RGS7: variants seen among roughly 807,000 people sequenced by gnomAD.
RGS7 encodes the protein regulator of G protein signaling 7, also known as regulator of G-protein signaling 7.
Under a neutral mutation model 81.1 loss-of-function variants are expected in RGS7, and 27 were observed. The observed-to-expected ratio is 0.33, with a 90% CI of 0.25 to 0.46. The LOEUF (loss-of-function observed/expected upper bound fraction) is 0.46. Ranked by LOEUF, RGS7 falls within the 20% of genes least tolerant of loss-of-function variation. The pLI is 1.00. For synonymous variants in RGS7, 208 were observed against 207.7 expected, an observed-to-expected ratio of 1.00 and a Z score of -0.01; for missense variants, 396 against 607.4, an observed-to-expected ratio of 0.65 and a Z score of 3.66.
chr1:241,000,443 C>T (rs1439619842), intron 3 of RGS7, among the ~76,000 whole-genome samples: 3 of 152,056 alleles, frequency 2.0e-5, no homozygotes, highest in African/African-American at 7.2e-5. Flanking sequence ...TTAATTATCC[C>T]TTAATAGGTA....
chr1:240,952,369 T>C (rs911711334), intron 4 of RGS7, among the ~76,000 whole-genome samples: 19 of 152,036 alleles, frequency 1.2e-4, no homozygotes, highest in African/African-American at 4.6e-4. Context: ...AAGGGATGAA[T>C]TGGGAATATT....
chr1:240,985,346 T>C (rs1215395045), intron 3 of RGS7, among the ~76,000 whole-genome samples: 1 of 152,246 alleles, frequency 6.6e-6, no homozygotes, highest in East Asian at 1.9e-4. Context: ...ATTCCAGGAC[T>C]ATACATATTT....
chr1:241,080,680 AT>A (rs1315808183), intron 3 of RGS7, among the ~76,000 whole-genome samples: 1 of 151,992 alleles, frequency 6.6e-6, no homozygotes, highest in African/African-American at 2.4e-5. Context: ...CAAATATACC[AT>A]TTTTTTCTTG....
intron 3 of RGS7, among the ~76,000 whole-genome samples, chr1:241,030,511 C>T (rs566414827): frequency 2.7e-5 from 4 of 150,860 alleles, no homozygotes; most frequent in African/African-American, 4.9e-5. Context: ...CACACACACA[C>T]ACACACACAC....
chr1:241,262,432 G>T (rs1293525605), intron 2 of RGS7, among the ~76,000 whole-genome samples: 1 of 152,178 alleles, frequency 6.6e-6, no homozygotes, highest in Non-Finnish European at 1.5e-5. Flanking sequence ...CAAGAAAAAA[G>T]ATGCCAGAAG....
intron 4 of RGS7, among the ~76,000 whole-genome samples, chr1:240,943,109 A>G (rs1677880891): frequency 1.3e-5 from 2 of 152,248 alleles, no homozygotes. Context: ...TAGAATAGAT[A>G]AGCTAAAAGA....
In RGS7 at chr1:241,098,679, A is replaced by C; in HGVS notation, c.162T>G (p.Pro54=). 4 of 1,611,724 alleles carry C rather than the reference A, an allele frequency of 2.5e-6. No homozygotes were observed. Among genetic ancestry groups the C allele is most frequent in the Non-Finnish European group, 3.4e-6 (4 of 1,177,978 alleles). Residue 54 remains proline, a synonymous_variant, in exon 3 of 19, where the codon CCT becomes CCG. Coordinates refer to ENST00000440928, the MANE Select transcript of RGS7 (RefSeq NM_001364886.1). ...RTVKSFLSKI[P]SVFSGSDIVQ... ...ATGCAGACTTACCAGAGAAGACGCT[A>C]GGTATCTTGGAAAGAAAGCTTTTGA...
intron 6 of RGS7, among the ~76,000 whole-genome samples, chr1:240,921,007 C>T (rs1182914595): frequency 6.6e-6 from 1 of 151,718 alleles, no homozygotes; most frequent in Non-Finnish European, 1.5e-5. Flanking sequence ...GTAAATTTCC[C>T]CCAACAGTGG....
intron 3 of RGS7, among the ~76,000 whole-genome samples, chr1:241,034,481 A>G (rs2060235015): frequency 6.6e-6 from 1 of 152,242 alleles, no homozygotes; most frequent in Admixed American, 6.5e-5. Context: ...GCGATGGAAC[A>G]CGATGTTACA....
At chr1:241,161,603 ATAAC>A (rs2069678441) in intron 2 of RGS7, among the ~76,000 whole-genome samples, 1 of 150,446 alleles carries the variant, frequency 6.6e-6, no homozygotes, top group Admixed American at 6.6e-5. Context: ...ATTAATAATA[ATAAC>A]TAATATTCAA....
At chr1:241,314,842 T>C (rs1253648106) in intron 2 of RGS7, among the ~76,000 whole-genome samples, 1 of 152,146 alleles carries the variant, frequency 6.6e-6, no homozygotes, top group African/African-American at 2.4e-5. Flanking sequence ...TAAAAGATTA[T>C]TTTCACTGTA....
intron 9 of RGS7, 145 bp from the exon 10 acceptor site, chr1:240,827,317 C>G: frequency 2.8e-6 from 2 of 717,090 alleles, no homozygotes; most frequent in South Asian, 3.0e-5. Flanking sequence ...TGGCCACAGC[C>G]AGTCCCATCA....
chr1:241,146,338 G>A (rs1368155909), intron 2 of RGS7, among the ~76,000 whole-genome samples: 1 of 152,220 alleles, frequency 6.6e-6, no homozygotes, highest in Non-Finnish European at 1.5e-5. Context: ...ATGGGAGTAT[G>A]TGCCCATATA....
At position 241,075,345 on chromosome 1, in the gene RGS7, A is replaced by G. The variant is rs372536485; in HGVS notation, c.175+23321T>C. Among the ~76,000 whole-genome samples the G allele has an allele frequency of 1.1e-3, 168 of 152,342 alleles. 1 individual carries two copies. Among genetic ancestry groups the G allele is most frequent in the African/African-American group, 3.8e-3 (160 of 41,580 alleles). On this transcript the variant is annotated intron_variant, in intron 3 of 18. Coordinates refer to ENST00000440928, the MANE Select transcript of RGS7 (RefSeq NM_001364886.1). ...AAATAGGTCGAGCAACAAAAACTTG[A>G]AAACCAAAAGATTTTATACTTGGGA... is the stretch of plus-strand genomic sequence containing the variant.
intron 3 of RGS7, among the ~76,000 whole-genome samples, chr1:241,029,625 T>C (rs2059967208): frequency 6.6e-6 from 1 of 152,234 alleles, no homozygotes; most frequent in African/African-American, 2.4e-5. Context: ...TCAATTACCT[T>C]GCATCCCAGG....
chr1:241,220,961 GGAA>G (rs1331968246), intron 2 of RGS7, among the ~76,000 whole-genome samples: 1 of 45,584 alleles, frequency 2.2e-5, no homozygotes, highest in East Asian at 1.3e-3. Flanking sequence ...AAGGAAGGAA[GGAA>G]GGAAGGAAGG....
chr1:241,093,114 G>C lies in RGS7; in HGVS notation c.175+5552C>G, dbSNP rs549267542. 5.3e-5 allele frequency among the ~76,000 whole-genome samples: 8 copies of C among 152,004 alleles called. No homozygotes were observed. In the East Asian group the frequency reaches 1.5e-3, roughly 29 times the overall value. On this transcript the variant is annotated intron_variant, in intron 3 of 18. Coordinates refer to ENST00000440928, the MANE Select transcript of RGS7 (RefSeq NM_001364886.1). ...TTGTTTTTTTCATTAGAAACTTAGA[G>C]AACATGAAGGAAATGTCTTTTAGTA...
At chr1:241,298,293 A>G (rs57116888) in intron 2 of RGS7, among the ~76,000 whole-genome samples, 3,676 of 152,298 alleles carry the variant, frequency 0.024, 158 homozygotes, top group African/African-American at 0.084. Context: ...TTAACTAATC[A>G]CAGAAAGAAT....
At chr1:240,971,341 A>G (rs1683179587) in intron 4 of RGS7, among the ~76,000 whole-genome samples, 1 of 152,234 alleles carries the variant, frequency 6.6e-6, no homozygotes, top group South Asian at 2.1e-4. Flanking sequence ...ATTCTGTTAT[A>G]GCACCCTGAA....
Sources: gnomAD v4.1 joint callset for allele counts (sites outside exome capture counted in the v4.1 genomes callset) on GRCh38, gnomAD v4.1.1 for gene constraint, MANE v1.5 for transcripts, NCBI Gene and HGNC (gene_info 2026-07-23, HGNC 2026-07-21) for gene names.